Variants in VAT1L observed in about 807,000 individuals in gnomAD.
VAT1L encodes the protein putative NADPH-dependent quinone oxidoreductase VAT1L.
A neutral mutation model predicts 44.1 loss-of-function variants in VAT1L; 34 were observed. The observed-to-expected ratio is 0.77, with a 90% CI of 0.59 to 1.03. The LOEUF (loss-of-function observed/expected upper bound fraction) is 1.03, where lower values mean the gene tolerates loss of function less well. Ranked by LOEUF, VAT1L falls within the 50% of genes least tolerant of loss-of-function variation. The pLI is 0.00. For missense variants in VAT1L, 615 were observed against 538.8 expected (o/e 1.14, Z -1.40); for synonymous variants, 253 against 202.2 (o/e 1.25, Z -2.13).
intron 7 of VAT1L, among the ~76,000 whole-genome samples, chr16:77,929,096 G>C (rs1193692466): frequency 3.9e-5 from 6 of 152,182 alleles, no homozygotes; most frequent in African/African-American, 1.2e-4. Flanking sequence ...TTACAGGTGT[G>C]AGCCACCGTG....
At chr16:77,955,359 C>T (rs1193587703) in intron 7 of VAT1L, among the ~76,000 whole-genome samples, 1 of 152,146 alleles carries the variant, frequency 6.6e-6, no homozygotes, top group Non-Finnish European at 1.5e-5. Flanking sequence ...TCCTGCAGTG[C>T]CCAGGACAGC....
chr16:77,928,845 T>C (rs1341396660), intron 7 of VAT1L, among the ~76,000 whole-genome samples: 1 of 151,876 alleles, frequency 6.6e-6, no homozygotes, highest in Non-Finnish European at 1.5e-5. Flanking sequence ...TGAGATGGAG[T>C]CTCACTCTGT....
intron 3 of VAT1L, among the ~76,000 whole-genome samples, chr16:77,849,487 G>A (rs1427648823): frequency 6.6e-6 from 1 of 152,218 alleles, no homozygotes; most frequent in African/African-American, 2.4e-5. Context: ...AGTGATACCA[G>A]TGTTTGAGCA....
At chr16:77,930,800 C>G (rs1257434831) in intron 7 of VAT1L, among the ~76,000 whole-genome samples, 1 of 152,114 alleles carries the variant, frequency 6.6e-6, no homozygotes, top group East Asian at 1.9e-4. Context: ...TCTCTCCTAC[C>G]CAGTGTGTTT....
intron 7 of VAT1L, among the ~76,000 whole-genome samples, chr16:77,917,930 CA>C (rs1341837521): frequency 6.6e-6 from 1 of 152,148 alleles, no homozygotes; most frequent in East Asian, 1.9e-4. Context: ...TCTGTATATG[CA>C]AGACTCTCAA....
At chr16:77,852,801 T>C (rs2016820355) in intron 3 of VAT1L, among the ~76,000 whole-genome samples, 1 of 152,212 alleles carries the variant, frequency 6.6e-6, no homozygotes, top group Non-Finnish European at 1.5e-5. Flanking sequence ...GCTGGAGTCA[T>C]ACTACTTGGA....
intron 3 of VAT1L, among the ~76,000 whole-genome samples, chr16:77,835,430 T>C (rs1453922334): frequency 6.6e-6 from 1 of 152,116 alleles, no homozygotes; most frequent in Non-Finnish European, 1.5e-5. Flanking sequence ...CCAGCATCAC[T>C]CCATCCATCA....
At chr16:77,959,873 A>G (rs1174335429) in intron 7 of VAT1L, among the ~76,000 whole-genome samples, 2 of 152,126 alleles carry the variant, frequency 1.3e-5, no homozygotes, top group Non-Finnish European at 2.9e-5. Flanking sequence ...AAAGTCCCCA[A>G]CTACTTTCCA....
chr16:77,928,451 C>A (rs1016628345), intron 7 of VAT1L, among the ~76,000 whole-genome samples: 2 of 152,088 alleles, frequency 1.3e-5, no homozygotes, highest in Non-Finnish European at 2.9e-5. Flanking sequence ...TTTAAAAGAT[C>A]AAGTATTGAG....
chr16:77,830,105 A>G (rs1445165381), intron 3 of VAT1L, among the ~76,000 whole-genome samples: 1 of 152,054 alleles, frequency 6.6e-6, no homozygotes, highest in Non-Finnish European at 1.5e-5. Flanking sequence ...TGTCTCAGGG[A>G]AGATGAGGCA....
At chr16:77,802,625 C>CACACACACACACACACACAA (rs1477397966) in intron 1 of VAT1L, among the ~76,000 whole-genome samples, 29 of 50,680 alleles carry the variant, frequency 5.7e-4, no homozygotes, top group Admixed American at 1.6e-3. Flanking sequence ...AACACACACA[C>CACACACACACACACACACAA]ACACACACAC....
chr16:77,942,764 A>C (rs538974067), intron 7 of VAT1L, among the ~76,000 whole-genome samples: 2 of 152,108 alleles, frequency 1.3e-5, no homozygotes, highest in Non-Finnish European at 2.9e-5. Flanking sequence ...TGTTTTTTTG[A>C]GACAGAGTCT....
Position 77,879,038 on chromosome 16 carries a change from C to T in VAT1L, c.827-131C>T, listed in dbSNP as rs2017120082. Reference sequence around the variant, plus strand: ...CCTCATTCTCATTCCCCTCACTTTGCCAAGGCTTAATTAAATTTGTTTTCA... The same window carrying T: ...CCTCATTCTCATTCCCCTCACTTTGTCAAGGCTTAATTAAATTTGTTTTCA... On this transcript the variant is annotated intron_variant, in intron 5 of 8. Transcript: ENST00000302536. This position sits in a 1 kb window ranked among gnomAD's most constrained non-coding sequence, Gnocchi z 4.1. The T allele has an allele frequency of 1.4e-5, 12 of 846,776 alleles. No individual in the cohort carries two copies. In the South Asian group the frequency reaches 2.0e-4, roughly 14 times the overall value. 52.5% of individuals were successfully genotyped at this position (846,776 alleles called of 1,614,324 possible). A position where few individuals can be genotyped will look rare whatever the true frequency, so the allele number is the denominator to read the frequency against.
At chr16:77,841,338 C>G (rs1179805799) in intron 3 of VAT1L, among the ~76,000 whole-genome samples, 1 of 152,224 alleles carries the variant, frequency 6.6e-6, no homozygotes, top group South Asian at 2.1e-4. Flanking sequence ...CTGCCTTGGT[C>G]TCCCAAAGTG....
intron 7 of VAT1L, among the ~76,000 whole-genome samples, chr16:77,928,517 C>G (rs1166084388): frequency 6.6e-6 from 1 of 152,166 alleles, no homozygotes; most frequent in East Asian, 1.9e-4. Context: ...TCTTCCATAA[C>G]TGTCATCTCA....
At chr16:77,939,552 C>A (rs2017851712) in intron 7 of VAT1L, among the ~76,000 whole-genome samples, 1 of 152,174 alleles carries the variant, frequency 6.6e-6, no homozygotes, top group South Asian at 2.1e-4. Context: ...AAGAACATAA[C>A]TCCAAAGCTC....
chr16:77,943,160 G>T (rs538913194), intron 7 of VAT1L, among the ~76,000 whole-genome samples: 2 of 147,834 alleles, frequency 1.4e-5, no homozygotes, highest in Non-Finnish European at 3.0e-5. Context: ...GGGTTCAAGC[G>T]ATTCTCCTGC....
intron 4 of VAT1L, among the ~76,000 whole-genome samples, chr16:77,872,951 C>T (rs2017047576): frequency 6.6e-6 from 1 of 152,152 alleles, no homozygotes; most frequent in Non-Finnish European, 1.5e-5. Flanking sequence ...CCTATAAACT[C>T]TCGGGGAAAA....
chr16:77,977,135 C>G (rs544556381), intron 8 of VAT1L, among the ~76,000 whole-genome samples: 15 of 152,252 alleles, frequency 9.9e-5, no homozygotes, highest in Non-Finnish European at 1.6e-4. Context: ...GAGTTTTGCA[C>G]AGAAACTGCG....
Sources: allele counts gnomAD v4.1 joint callset (sites outside exome capture counted in the v4.1 genomes callset), GRCh38; gene constraint gnomAD v4.1.1; non-coding constraint Gnocchi (gnomAD v3.1); transcripts MANE v1.5; gene names NCBI Gene and HGNC (gene_info 2026-07-23, HGNC 2026-07-21).